HMGCLL1: variants seen among roughly 807,000 people sequenced by gnomAD.
The protein encoded by HMGCLL1 is 3-hydroxy-3-methylglutaryl-CoA lyase like 1, also known as 3-hydroxymethyl-3-methylglutaryl-CoA lyase, cytoplasmic.
In HMGCLL1, 36 loss-of-function variants were observed where a neutral mutation model predicts 39.1. The observed-to-expected ratio is 0.92, with a 90% CI of 0.71 to 1.22. The LOEUF is 1.22. Among genes scored for constraint, HMGCLL1 ranks in the 50% most tolerant of loss-of-function variants. The pLI is 0.00. For missense variants in HMGCLL1, 451 were observed against 416.5 expected (o/e 1.08, Z -0.72); for synonymous variants, 149 against 144.0 (o/e 1.03, Z -0.25).
At chr6:55,545,318 C>T (rs559214430) in intron 1 of HMGCLL1, among the ~76,000 whole-genome samples, 5 of 152,014 alleles carry the variant, frequency 3.3e-5, no homozygotes, top group Admixed American at 2.6e-4. Context: ...TTCTTTGCAT[C>T]AATGTATTGT....
At chr6:55,517,651 T>C (rs1767811208) in intron 3 of HMGCLL1, among the ~76,000 whole-genome samples, 1 of 151,824 alleles carries the variant, frequency 6.6e-6, no homozygotes, top group African/African-American at 2.4e-5. Context: ...TTTTAAAACA[T>C]AGTTAAATAC....
chr6:55,628,419 C>A, the HMGCLL1 span, among the ~76,000 whole-genome samples: 12 of 151,062 alleles, frequency 7.9e-5, no homozygotes, highest in Admixed American at 7.3e-4. Context: ...CTCCCTGCCT[C>A]AGCCTCCTGA....
chr6:55,525,026 AC>A (rs1768244334), intron 3 of HMGCLL1, among the ~76,000 whole-genome samples: 1 of 146,218 alleles, frequency 6.8e-6, no homozygotes, highest in African/African-American at 2.4e-5. Flanking sequence ...AAATGATCAA[AC>A]AGAGTAAAAA....
chr6:55,560,539 T>C (rs1770894756), intron 1 of HMGCLL1, among the ~76,000 whole-genome samples: 1 of 152,184 alleles, frequency 6.6e-6, no homozygotes, highest in South Asian at 2.1e-4. Context: ...CTCTGTTCCA[T>C]ATTATATATA....
At chr6:55,516,474 C>A (rs2127438002) in intron 4 of HMGCLL1, 34 bp downstream of exon 4, 1 of 1,311,790 alleles carries the variant, frequency 7.6e-7, no homozygotes, top group Non-Finnish European at 1.1e-6. Context: ...GATAAGAGGC[C>A]TATCAATTTT....
the HMGCLL1 span, among the ~76,000 whole-genome samples, chr6:55,662,405 T>G: frequency 1.3e-5 from 2 of 151,900 alleles, no homozygotes; most frequent in Non-Finnish European, 2.9e-5. Context: ...GCTGTCGAAT[T>G]TCACTGAAAG....
chr6:55,634,418 A>G, the HMGCLL1 span, among the ~76,000 whole-genome samples: 1 of 152,080 alleles, frequency 6.6e-6, no homozygotes, highest in Non-Finnish European at 1.5e-5. Context: ...TTGCTACTTG[A>G]CTTTAGCACT....
chr6:55,540,678 T>A (rs1488147037), intron 3 of HMGCLL1, among the ~76,000 whole-genome samples: 2 of 152,150 alleles, frequency 1.3e-5, no homozygotes. Flanking sequence ...GGATACAAAG[T>A]CAGCTCTTAA....
At chr6:55,552,192 T>C (rs900420515) in intron 1 of HMGCLL1, among the ~76,000 whole-genome samples, 3 of 151,928 alleles carry the variant, frequency 2.0e-5, no homozygotes, top group Non-Finnish European at 2.9e-5. Flanking sequence ...AAGTCTCAAA[T>C]AGACAACCCC....
At chr6:55,579,935 A>G (rs1353229931), upstream of HMGCLL1, among the ~76,000 whole-genome samples, 1 of 152,174 alleles carries the variant, frequency 6.6e-6, no homozygotes, top group African/African-American at 2.4e-5. Context: ...TTTCACATGT[A>G]AACTTACGTG....
intron 1 of HMGCLL1, among the ~76,000 whole-genome samples, chr6:55,573,484 CT>C (rs1427343799): frequency 1.3e-5 from 2 of 151,986 alleles, no homozygotes; most frequent in Admixed American, 6.6e-5. Flanking sequence ...TGGCAGAGAA[CT>C]GAAGCCTATC....
intron 1 of HMGCLL1, among the ~76,000 whole-genome samples, chr6:55,558,047 A>G (rs1021990136): frequency 3.3e-5 from 5 of 152,208 alleles, no homozygotes; most frequent in Non-Finnish European, 5.9e-5. Context: ...ATTTAAATGG[A>G]GAAAGGGAAT....
At chr6:55,612,830 C>T in the HMGCLL1 span, among the ~76,000 whole-genome samples, 3 of 151,870 alleles carry the variant, frequency 2.0e-5, no homozygotes, top group Non-Finnish European at 4.4e-5. Flanking sequence ...ATGTAAAACC[C>T]AAAATCATAA....
chr6:55,521,373 G>A (rs1428769172), intron 3 of HMGCLL1, among the ~76,000 whole-genome samples: 14 of 151,940 alleles, frequency 9.2e-5, no homozygotes, highest in Non-Finnish European at 1.5e-5. Flanking sequence ...AGCAGACCTA[G>A]CTTTATTCAG....
intron 7 of HMGCLL1, among the ~76,000 whole-genome samples, chr6:55,476,077 C>T (rs1765271260): frequency 6.6e-6 from 1 of 151,722 alleles, no homozygotes; most frequent in African/African-American, 2.4e-5. Flanking sequence ...CATTTGCATT[C>T]TCACATCAAT....
At chr6:55,481,901 T>C (rs1268077850) in intron 7 of HMGCLL1, among the ~76,000 whole-genome samples, 2 of 152,146 alleles carry the variant, frequency 1.3e-5, no homozygotes, top group African/African-American at 4.8e-5. Flanking sequence ...TTTACTAGTG[T>C]TCTTTTTCAA....
chr6:55,650,121 A>ACACACACATATG, the HMGCLL1 span, among the ~76,000 whole-genome samples: 24 of 81,402 alleles, frequency 2.9e-4, no homozygotes, highest in African/African-American at 1.3e-3. Flanking sequence ...ATATATATAT[A>ACACACACATATG]TATATATATA....
the HMGCLL1 span, among the ~76,000 whole-genome samples, chr6:55,678,041 C>T: frequency 6.6e-6 from 1 of 152,152 alleles, no homozygotes; most frequent in African/African-American, 2.4e-5. Flanking sequence ...AGCCTCCAGA[C>T]TCTTCTCATA....
chr6:55,443,366 T>C (rs996203525), intron 7 of HMGCLL1, among the ~76,000 whole-genome samples: 1 of 152,146 alleles, frequency 6.6e-6, no homozygotes. Flanking sequence ...TGTGGATGAT[T>C]CACTTCTGGG....
Sources: gnomAD v4.1 joint callset for allele counts (sites outside exome capture counted in the v4.1 genomes callset) on GRCh38, gnomAD v4.1.1 for gene constraint, MANE v1.5 for transcripts, NCBI Gene and HGNC (gene_info 2026-07-23, HGNC 2026-07-21) for gene names.